The following TENM4 variants were observed in gnomAD, a reference collection of about 807,000 sequenced individuals.
The protein encoded by TENM4 is teneurin transmembrane protein 4.
Under a neutral mutation model 243.3 loss-of-function variants are expected in TENM4, and 82 were observed. That is an observed-to-expected ratio of 0.34 (90% CI 0.28 to 0.40). The LOEUF (loss-of-function observed/expected upper bound fraction) is 0.40. Among genes scored for constraint, TENM4 ranks in the 10% least tolerant of loss-of-function variants. TENM4 has a pLI of 1.00. For synonymous variants in TENM4, 1,412 were observed against 1,456.3 expected (o/e 0.97, Z 0.69); for missense variants, 3,138 against 3,673.3 (o/e 0.85, Z 3.77).
At chr11:78,755,267 T>A (rs1856279902) in intron 19 of TENM4, among the ~76,000 whole-genome samples, 1 of 152,082 alleles carries the variant, frequency 6.6e-6, no homozygotes, top group African/African-American at 2.4e-5. Context: ...TGGGCTCAAG[T>A]GATCCTCCCA....
intron 4 of TENM4, chr11:79,095,906 G>C (rs928271975): frequency 7.9e-5 from 12 of 152,208 alleles, no homozygotes; most frequent in African/African-American, 2.2e-4. Context: ...CACACCCTGT[G>C]TTCCCATGGC....
chr11:79,437,268 C>A (rs185396587), intron 1 of TENM4, among the ~76,000 whole-genome samples: 1 of 152,090 alleles, frequency 6.6e-6, no homozygotes, highest in Non-Finnish European at 1.5e-5. Context: ...CACACACAGG[C>A]GCGCAGAAAA....
At chr11:79,390,664 T>A (rs2038644017) in intron 1 of TENM4, among the ~76,000 whole-genome samples, 1 of 152,184 alleles carries the variant, frequency 6.6e-6, no homozygotes, top group African/African-American at 2.4e-5. Context: ...TCGGTCTGGC[T>A]CCAGCTGTTC....
At chr11:78,734,379 G>A (rs1353672000) in intron 20 of TENM4, among the ~76,000 whole-genome samples, 3 of 151,896 alleles carry the variant, frequency 2.0e-5, no homozygotes, top group Non-Finnish European at 2.9e-5. Context: ...ACCATCAAGG[G>A]CTCATTCAGT....
intron 6 of TENM4, among the ~76,000 whole-genome samples, chr11:78,909,548 A>G (rs533571662): frequency 6.6e-6 from 1 of 152,238 alleles, no homozygotes; most frequent in African/African-American, 2.4e-5. Flanking sequence ...AGGTGCTTAC[A>G]TCAAGGCCTG....
chr11:79,229,257 C>T (rs985014230), intron 2 of TENM4, among the ~76,000 whole-genome samples: 15 of 152,228 alleles, frequency 9.9e-5, no homozygotes, highest in African/African-American at 2.9e-4. Flanking sequence ...GTTCTGCCAT[C>T]CTGGCAGCAT....
chr11:78,809,507 C>T (rs1399606532), intron 14 of TENM4, among the ~76,000 whole-genome samples: 1 of 152,148 alleles, frequency 6.6e-6, no homozygotes, highest in East Asian at 1.9e-4. Flanking sequence ...TAGACTCTGC[C>T]TCTGCCTTTG....
chr11:79,425,548 A>C (rs769173645), intron 1 of TENM4, among the ~76,000 whole-genome samples: 1 of 152,222 alleles, frequency 6.6e-6, no homozygotes, highest in African/African-American at 2.4e-5. Flanking sequence ...ACGGACTTGG[A>C]GCCAGACTGA....
intron 3 of TENM4, among the ~76,000 whole-genome samples, chr11:79,214,350 G>A (rs1864009956): frequency 6.6e-6 from 1 of 152,102 alleles, no homozygotes; most frequent in African/African-American, 2.4e-5. Context: ...CTACTGCACA[G>A]CATTGATCTC....
rs1243848155 is a variant in TENM4 at position 79,440,600 on chromosome 11, C to T, written c.-412G>A. On this transcript the variant is annotated 5_prime_UTR_variant, in exon 1 of 34. Transcript: ENST00000278550. The surrounding 1 kb of genome is among the most constrained non-coding windows in gnomAD (Gnocchi z 4.7). ...CGGTGGCTCCTCTCTCTCTCGGCGGCGCGGCTCCTCTGCTCCGCGAGCCGT... is the reference window on the plus strand; with the variant it reads ...CGGTGGCTCCTCTCTCTCTCGGCGGTGCGGCTCCTCTGCTCCGCGAGCCGT... 6.6e-6 allele frequency: 1 copy of T among 152,080 alleles called. No individual in the cohort carries two copies. Among genetic ancestry groups the T allele is most frequent in the East Asian group, 2.0e-4 (1 of 5,088 alleles). The allele number at this position is 152,080 out of a possible 1,614,324, so 9.4% of individuals were successfully genotyped here. A position where few individuals can be genotyped will look rare whatever the true frequency, so the allele number is the denominator to read the frequency against.
intron 1 of TENM4, among the ~76,000 whole-genome samples, chr11:79,301,836 G>A (rs76522411): frequency 2.1e-3 from 314 of 152,132 alleles, no homozygotes; most frequent in African/African-American, 7.1e-3. Context: ...GTGAAGTATC[G>A]GCTTCCCCTT....
rs878912515 is a variant in TENM4, at chr11:79,069,910, A to G, written c.35T>C (p.Leu12Pro). The G allele has an allele frequency of 6.5e-7, 1 of 1,547,384 alleles. No individual in the cohort carries two copies. Among genetic ancestry groups the G allele is most frequent in the South Asian group, 1.2e-5 (1 of 83,956 alleles). Reference protein sequence around the residue: ...DVKERKPYRSLTRRRDAERRY... With the variant: ...DVKERKPYRSPTRRRDAERRY... ...GCGCTCGGCGTCGCGGCGCCGGGTC[A>G]GCGAGCGGTAAGGCTTCCTCTCCTT... The change falls in exon 5 of 34, where the codon CTG becomes CCG. Residue 12 changes from leucine (L) to proline (P), a missense_variant. Coordinates refer to ENST00000278550, the MANE Select transcript of TENM4 (RefSeq NM_001098816.3).
Position 79,124,217 on chromosome 11 carries a change from T to C in TENM4, c.-66+24493A>G, listed in dbSNP as rs113798878. On this transcript the variant is annotated intron_variant, in intron 4 of 33. Coordinates refer to ENST00000278550, the MANE Select transcript of TENM4 (RefSeq NM_001098816.3). ...TTCCACAATGGTGTGATGGTTAATA[T>C]TGAGTGCCAACTTGATTGGATTGAA... is the stretch of plus-strand genomic sequence containing the variant. 3.8e-4 allele frequency among the ~76,000 whole-genome samples: 58 copies of C among 152,264 alleles called. 2 individuals carry two copies. Among genetic ancestry groups the C allele is most frequent in the Admixed American group, 3.4e-3 (52 of 15,282 alleles).
chr11:79,130,673 A>T (rs1861984408), intron 4 of TENM4, among the ~76,000 whole-genome samples: 1 of 152,078 alleles, frequency 6.6e-6, no homozygotes, highest in Admixed American at 6.6e-5. Flanking sequence ...AATACAAAAA[A>T]TTAGCTGGGC....
At chr11:79,103,271 C>T (rs1012494950) in intron 4 of TENM4, among the ~76,000 whole-genome samples, 4 of 152,120 alleles carry the variant, frequency 2.6e-5, no homozygotes, top group African/African-American at 9.7e-5. Context: ...CTGGGATTTA[C>T]CCAGCATGGA....
chr11:79,069,684 C>A, intron 5 of TENM4, 38 bp downstream of exon 5: 1 of 1,527,232 alleles, frequency 6.5e-7, no homozygotes. Context: ...GCCAAGCTCA[C>A]CTGCGCCTGA....
At chr11:79,139,749 A>AATACATATTATATTTATATAAATATATT (rs1862237782) in intron 4 of TENM4, among the ~76,000 whole-genome samples, 1 of 59,430 alleles carries the variant, frequency 1.7e-5, no homozygotes, top group Admixed American at 2.4e-4. Context: ...ATAAATATAT[A>AATACATATTATATTTATATAAATATATT]ATATATATTA....
chr11:78,926,673 TTTTG>T (rs1391839057), intron 6 of TENM4, among the ~76,000 whole-genome samples: 1 of 136,274 alleles, frequency 7.3e-6, no homozygotes, highest in Non-Finnish European at 1.6e-5. Context: ...TAAAGGTGTT[TTTTG>T]TTTTTTTTTT....
intron 1 of TENM4, among the ~76,000 whole-genome samples, chr11:79,418,489 A>C (rs1470021732): frequency 1.3e-5 from 2 of 152,210 alleles, no homozygotes; most frequent in Non-Finnish European, 2.9e-5. Context: ...TCTAAACGCC[A>C]ATTCTGGCTC....
Sources: gnomAD v4.1 joint callset for allele counts (sites outside exome capture counted in the v4.1 genomes callset) on GRCh38, gnomAD v4.1.1 for gene constraint, Gnocchi (gnomAD v3.1) non-coding constraint, MANE v1.5 for transcripts, NCBI Gene and HGNC (gene_info 2026-07-23, HGNC 2026-07-21) for gene names.